Variants in KLHDC10 observed in about 807,000 individuals in gnomAD.
KLHDC10 encodes kelch domain-containing protein 10.
KLHDC10 carries 24 observed loss-of-function variants against 56.1 expected under a neutral mutation model. The ratio of observed to expected loss-of-function variants is 0.43; its 90% CI spans 0.31 to 0.60. The LOEUF (loss-of-function observed/expected upper bound fraction) is 0.60. KLHDC10 is among the 20% of genes least tolerant of loss of function. The pLI is 0.11. For missense variants in KLHDC10, 349 were observed against 567.0 expected, an observed-to-expected ratio of 0.62 and a Z score of 3.91; for synonymous variants, 188 against 207.1, an observed-to-expected ratio of 0.91 and a Z score of 0.79.
chr7:130,071,123 C>G (rs967920469), intron 1 of KLHDC10, among the ~76,000 whole-genome samples: 1 of 152,154 alleles, frequency 6.6e-6, no homozygotes, highest in African/African-American at 2.4e-5. Context: ...TCCCCTTCCG[C>G]AGTTTGATCT....
At chr7:130,086,265 A>G (rs1795688790) in intron 1 of KLHDC10, among the ~76,000 whole-genome samples, 1 of 152,142 alleles carries the variant, frequency 6.6e-6, no homozygotes, top group African/African-American at 2.4e-5. Context: ...TTTTACCAGT[A>G]TCAGTATTGG....
intron 1 of KLHDC10, among the ~76,000 whole-genome samples, chr7:130,083,654 G>T (rs1795639787): frequency 6.6e-6 from 1 of 152,028 alleles, no homozygotes; most frequent in African/African-American, 2.4e-5. Context: ...GGAGGCTGAG[G>T]CAGGAGAATT....
chr7:130,070,832 G>T, intron 1 of KLHDC10, 23 bp downstream of exon 1: 2 of 1,297,000 alleles, frequency 1.5e-6, no homozygotes, highest in South Asian at 6.3e-5. Context: ...ACAGGGTCCT[G>T]ACCGCTTGCG....
chr7:130,085,102 T>C (rs1461337478), intron 1 of KLHDC10, among the ~76,000 whole-genome samples: 1 of 151,538 alleles, frequency 6.6e-6, no homozygotes, highest in Non-Finnish European at 1.5e-5. Flanking sequence ...TCCCAGCACT[T>C]TGGGAGGCCG....
intron 2 of KLHDC10, among the ~76,000 whole-genome samples, chr7:130,099,292 C>T (rs1044563798): frequency 3.3e-5 from 5 of 151,712 alleles, no homozygotes; most frequent in African/African-American, 9.7e-5. Context: ...TTCGTTTGTT[C>T]GTTCGTTCAT....
intron 3 of KLHDC10, chr7:130,117,699 A>G (rs1394651849): frequency 6.6e-6 from 1 of 152,148 alleles, no homozygotes; most frequent in African/African-American, 2.4e-5. Flanking sequence ...AAAAATAAAA[A>G]AATTAACCAG....
intron 4 of KLHDC10, among the ~76,000 whole-genome samples, chr7:130,121,161 G>C (rs1796243265): frequency 6.6e-6 from 1 of 151,280 alleles, no homozygotes; most frequent in African/African-American, 2.4e-5. Context: ...ATGTAGACCT[G>C]TATGGAAGTT....
intron 1 of KLHDC10, among the ~76,000 whole-genome samples, chr7:130,080,689 G>C (rs1337847674): frequency 1.3e-5 from 2 of 152,032 alleles, no homozygotes; most frequent in Non-Finnish European, 2.9e-5. Flanking sequence ...GAGCTACCGT[G>C]TGCAGACCAA....
intron 2 of KLHDC10, among the ~76,000 whole-genome samples, chr7:130,107,687 T>G (rs1452978000): frequency 1.3e-5 from 2 of 150,650 alleles, no homozygotes; most frequent in Admixed American, 6.6e-5. Flanking sequence ...TTACTAAAAA[T>G]ACAAAAATTA....
intron 2 of KLHDC10, among the ~76,000 whole-genome samples, chr7:130,100,544 G>A (rs1795915577): frequency 6.6e-6 from 1 of 152,220 alleles, no homozygotes; most frequent in South Asian, 2.1e-4. Flanking sequence ...TAGGATGGGA[G>A]TAACATTTTA....
chr7:130,113,689 C>A (rs1266541944), intron 2 of KLHDC10, among the ~76,000 whole-genome samples: 1 of 152,118 alleles, frequency 6.6e-6, no homozygotes, highest in African/African-American at 2.4e-5. Flanking sequence ...TTTTCACAGA[C>A]CCCTCAACTG....
At chr7:130,105,048 G>A (rs536113627) in intron 2 of KLHDC10, among the ~76,000 whole-genome samples, 2 of 152,198 alleles carry the variant, frequency 1.3e-5, no homozygotes, top group South Asian at 2.1e-4. Flanking sequence ...GTAAAACCAC[G>A]AGAGCTCTAC....
chr7:130,120,743 C>T lies in KLHDC10; in HGVS notation c.476-6C>T. 7 of 1,613,542 alleles carry T rather than the reference C, an allele frequency of 4.3e-6. No homozygotes were observed. The highest frequency in any genetic ancestry group is 5.9e-6 in the Non-Finnish European group (7 of 1,179,760). ...GTGAACAGAACTTGTGCTTCTCCTT[C>T]CTCAGTTGTGCTGCATGGAAACAAC... On this transcript the variant is annotated splice_region_variant and splice_polypyrimidine_tract_variant and intron_variant, in intron 3 of 9. Coordinates refer to ENST00000335420, the MANE Select transcript of KLHDC10 (RefSeq NM_014997.4). The surrounding 1 kb of genome is among the most constrained non-coding windows in gnomAD (Gnocchi z 5.1).
intron 2 of KLHDC10, among the ~76,000 whole-genome samples, chr7:130,111,797 T>G (rs1341446629): frequency 5.9e-5 from 9 of 151,944 alleles, no homozygotes; most frequent in Admixed American, 5.9e-4. Context: ...AAGGAGATGA[T>G]CCGGCAGTTC....
At position 130,133,388 on chromosome 7, in the gene KLHDC10, T is replaced by G. The variant is rs75263429; in HGVS notation, c.*2642T>G. 6.6e-6 allele frequency: 1 copy of G among 152,186 alleles called. No individual in the cohort carries two copies. The highest frequency in any genetic ancestry group is 2.4e-5 in the African/African-American group (1 of 41,434). The allele number at this position is 152,186 out of a possible 1,614,324, so 9.4% of individuals were successfully genotyped here. A position where few individuals can be genotyped will look rare whatever the true frequency, so the allele number is the denominator to read the frequency against. Reference sequence around the variant, plus strand: ...GTCCTGTAAATTTAAGTGCAATATATAGAAACATATGGATATATACAGATT... The same window carrying G: ...GTCCTGTAAATTTAAGTGCAATATAGAGAAACATATGGATATATACAGATT... On this transcript the variant is annotated 3_prime_UTR_variant, in exon 10 of 10. Transcript: ENST00000335420.
rs981948994 is a variant in KLHDC10, at chr7:130,116,824, C to G, written c.475+158C>G. ...TAGGGTAATAACAGTATGGTGATTCCAAATTATTTGGGTCCTGAGTTTGAA... is the reference window on the plus strand; with the variant it reads ...TAGGGTAATAACAGTATGGTGATTCGAAATTATTTGGGTCCTGAGTTTGAA... On this transcript the variant is annotated intron_variant, in intron 3 of 9. Transcript: ENST00000335420. The surrounding 1 kb of genome is among the most constrained non-coding windows in gnomAD (Gnocchi z 4.8). Among the ~76,000 whole-genome samples the G allele has an allele frequency of 6.6e-6, 1 of 152,096 alleles. No individual in the cohort carries two copies. Among genetic ancestry groups the G allele is most frequent in the Non-Finnish European group, 1.5e-5 (1 of 68,006 alleles).
At chr7:130,121,955 G>C (rs940385419) in intron 4 of KLHDC10, 99 bp from the exon 5 acceptor site, 91 of 980,518 alleles carry the variant, frequency 9.3e-5, no homozygotes, top group Middle Eastern at 2.2e-4. Context: ...TAAAATACAA[G>C]AGAATTTCAT....
In KLHDC10 at chr7:130,120,632, G is replaced by A. The variant is rs1796235698; in HGVS notation, c.476-117G>A. 9.4e-7 allele frequency: 1 copy of A among 1,060,802 alleles called. No homozygotes were observed. Among genetic ancestry groups the A allele is most frequent in the East Asian group, 2.6e-5 (1 of 39,038 alleles). 65.7% of individuals were successfully genotyped at this position (1,060,802 alleles called of 1,614,324 possible). ...TACTAGTTAGATGTCAGTGGTTTGAGCTATCTTATGAGATCATTAAAGCAG... is the reference window on the plus strand; with the variant it reads ...TACTAGTTAGATGTCAGTGGTTTGAACTATCTTATGAGATCATTAAAGCAG... On this transcript the variant is annotated intron_variant, in intron 3 of 9. Coordinates refer to ENST00000335420, the MANE Select transcript of KLHDC10 (RefSeq NM_014997.4). This position sits in a 1 kb window ranked among gnomAD's most constrained non-coding sequence, Gnocchi z 5.1.
At chr7:130,086,871 CT>C (rs952480397) in intron 1 of KLHDC10, among the ~76,000 whole-genome samples, 5 of 152,212 alleles carry the variant, frequency 3.3e-5, no homozygotes, top group Non-Finnish European at 7.3e-5. Context: ...AGTTGTAGAA[CT>C]TAAAAACTCA....
Sources: gnomAD v4.1 joint callset for allele counts (sites outside exome capture counted in the v4.1 genomes callset) on GRCh38, gnomAD v4.1.1 for gene constraint, Gnocchi (gnomAD v3.1) non-coding constraint, MANE v1.5 for transcripts, NCBI Gene and HGNC (gene_info 2026-07-23, HGNC 2026-07-21) for gene names.